Variants in FIBCD1 observed in about 807,000 individuals in gnomAD.
FIBCD1 encodes the protein fibrinogen C domain-containing protein 1.
FIBCD1 carries 47 observed loss-of-function variants against 45.1 expected under a neutral mutation model. The observed-to-expected ratio is 1.04, with a 90% CI of 0.82 to 1.33. The LOEUF (loss-of-function observed/expected upper bound fraction) is 1.33, where lower values mean the gene tolerates loss of function less well. Among genes scored for constraint, FIBCD1 ranks in the 40% most tolerant of loss-of-function variants. FIBCD1 has a pLI of 0.00. For synonymous variants in FIBCD1, 313 were observed against 308.1 expected (o/e 1.02, Z -0.17); for missense variants, 653 against 682.2 (o/e 0.96, Z 0.48).
At chr9:130,930,179 G>T in intron 1 of FIBCD1, 133 bp from the exon 2 acceptor site, 1 of 1,134,148 alleles carries the variant, frequency 8.8e-7, no homozygotes, top group Non-Finnish European at 1.2e-6. Context: ...CAGAGACTGA[G>T]ATGAGACAGG....
intron 2 of FIBCD1, 31 bp from the exon 3 acceptor site, chr9:130,924,427 C>T (rs1377326668): frequency 1.3e-6 from 2 of 1,577,052 alleles, no homozygotes; most frequent in Non-Finnish European, 8.6e-7. Flanking sequence ...GCCGAGGGGG[C>T]AGGGGCTCTG....
Position 130,938,554 on chromosome 9 carries a change from C to T in FIBCD1, c.54G>A (p.Arg18=), listed in dbSNP as rs1248047104. 3 of 1,490,692 alleles carry T rather than the reference C, an allele frequency of 2.0e-6. No individual in the cohort carries two copies. The highest frequency in any genetic ancestry group is 2.5e-5 in the South Asian group (2 of 79,410). The allele number at this position is 1,490,692 out of a possible 1,614,324, so 92.3% of individuals were successfully genotyped here. Residue 18 remains arginine, a synonymous_variant, in exon 1 of 7, where the codon CGG becomes CGA. Transcript: ENST00000372338. The part of the protein sequence containing the change: ...TMGGAAQLED[R]PRDKPQRPSC... ...AGCGTACCTGCGGCTTGTCGCGCGG[C>T]CGGTCCTCAAGTTGGGCAGCGCCGC...
rs140565547 is a variant in FIBCD1 at position 130,904,475 on chromosome 9, G to A, written c.1127-152C>T. The A allele has an allele frequency of 2.3e-4, 256 of 1,110,090 alleles. No homozygotes were observed. In the African/African-American group the frequency reaches 2.5e-3, roughly 11 times the overall value. 68.8% of individuals were successfully genotyped at this position (1,110,090 alleles called of 1,614,324 possible). On this transcript the variant is annotated intron_variant, in intron 6 of 6. Coordinates refer to ENST00000372338, the MANE Select transcript of FIBCD1 (RefSeq NM_032843.5). ...CTCTCACACATACTGCTGTGCACGC[G>A]TGCAAGCGCACCTGCCCCTCCACAC...
intron 4 of FIBCD1, among the ~76,000 whole-genome samples, chr9:130,912,102 G>T (rs1466269346): frequency 1.3e-5 from 2 of 152,000 alleles, no homozygotes; most frequent in African/African-American, 2.4e-5. Flanking sequence ...CTCGAGGTGG[G>T]ATTAACCAAA....
rs138622834 is a variant in FIBCD1, at chr9:130,905,307, G to A, written c.1053C>T (p.Gly351=). ...CAGGGTCCACGGAGAACAAGCCCAC[G>A]CCGAAGCTCCCGTAGCGGGCATAGG... is the stretch of plus-strand genomic sequence containing the variant. ...GTAYARYGSF[G]VGLFSVDPEE... The change falls in exon 6 of 7, where the codon GGC becomes GGT. Residue 351 remains glycine (G), a synonymous_variant. Transcript: ENST00000372338. The A allele has an allele frequency of 1.1e-5, 18 of 1,613,870 alleles. No individual in the cohort carries two copies. Among genetic ancestry groups the A allele is most frequent in the African/African-American group, 6.7e-5 (5 of 74,918 alleles).
rs1437395733 is a variant in FIBCD1 at position 130,903,902 on chromosome 9, T to C, written c.*162A>G. On this transcript the variant is annotated 3_prime_UTR_variant, in exon 7 of 7. Transcript: ENST00000372338. ...GGACGGCGAGAAGGCGATGTGTGAC[T>C]TCACCGGCCCAGGGAGCTTCGTGTC... 3 of 909,654 alleles carry C rather than the reference T, an allele frequency of 3.3e-6. No individual in the cohort carries two copies. The African/African-American group carries it at 4.9e-5, about 15-fold the overall frequency. 56.3% of individuals were successfully genotyped at this position (909,654 alleles called of 1,614,324 possible). A position where few individuals can be genotyped will look rare whatever the true frequency, so the allele number is the denominator to read the frequency against.
rs34679672 is a variant in FIBCD1 at position 130,909,760 on chromosome 9, T to TA, written c.946+2031dup. Among the ~76,000 whole-genome samples, 1,419 of 147,176 alleles carry TA rather than the reference T, an allele frequency of 9.6e-3. 14 individuals carry two copies. The highest frequency in any genetic ancestry group is 0.025 in the East Asian group (126 of 5,106). On this transcript the variant is annotated intron_variant, in intron 5 of 6. Transcript: ENST00000372338. ...ATATTTTGTTTAGATAGTGAAATGT[T>TA]AAAAAAAAAAAAGAAATGTTAAGGA...
intron 2 of FIBCD1, among the ~76,000 whole-genome samples, chr9:130,929,360 T>C (rs1832407110): frequency 6.6e-6 from 1 of 152,194 alleles, no homozygotes; most frequent in African/African-American, 2.4e-5. Context: ...ATTTGAATCC[T>C]GGCTCCCAGT....
chr9:130,905,930 C>T (rs574209986), intron 5 of FIBCD1, among the ~76,000 whole-genome samples: 18 of 152,316 alleles, frequency 1.2e-4, no homozygotes, highest in African/African-American at 4.3e-4. Context: ...ACATGTGCCC[C>T]TGTGGGTATT....
intron 4 of FIBCD1, among the ~76,000 whole-genome samples, chr9:130,913,263 TTTATTCTCCCTGCTTTATTCTCC>T (rs1175363748): frequency 1.9e-5 from 2 of 104,880 alleles, no homozygotes; most frequent in African/African-American, 1.5e-4. Flanking sequence ...TTTATTCTCC[TTTATTCTCCCTGCTTTATTCTCC>T]GAGGCAGCGC....
In FIBCD1 at chr9:130,903,860, C is replaced by T; in HGVS notation, c.*204G>A. ...GCAGAGGCAAGAGATCAGTGAGCTG[C>T]CAAATGGAGGGGGTGGGGACGGCGA... On this transcript the variant is annotated 3_prime_UTR_variant, in exon 7 of 7. Coordinates refer to ENST00000372338, the MANE Select transcript of FIBCD1 (RefSeq NM_032843.5). The T allele has an allele frequency of 1.5e-6, 1 of 686,588 alleles. No individual in the cohort carries two copies. Among genetic ancestry groups the T allele is most frequent in the Non-Finnish European group, 2.6e-6 (1 of 384,232 alleles). 42.5% of individuals were successfully genotyped at this position (686,588 alleles called of 1,614,324 possible).
rs975669559 is a variant in FIBCD1 at position 130,930,353 on chromosome 9, T to TGCAGGGAGACACAGGGAGAC, written c.73-327_73-308dup. On this transcript the variant is annotated intron_variant, in intron 1 of 6. Coordinates refer to ENST00000372338, the MANE Select transcript of FIBCD1 (RefSeq NM_032843.5). ...GGAGACGCGGGGAGACGCAGGGAGATGCAGGGAGACACAGGGAGACGCAGG... is the reference window on the plus strand; with the variant it reads ...GGAGACGCGGGGAGACGCAGGGAGATGCAGGGAGACACAGGGAGACGCAGGGAGACACAGGGAGACGCAGG... 4.5e-5 allele frequency among the ~76,000 whole-genome samples: 6 copies of TGCAGGGAGACACAGGGAGAC among 133,378 alleles called. No homozygotes were observed. In the South Asian group the frequency reaches 1.4e-3, roughly 31 times the overall value. 87.5% of individuals were successfully genotyped at this position (133,378 alleles called of 152,430 possible).
chr9:130,904,171 C>T lies in FIBCD1; in HGVS notation c.1279G>A (p.Ala427Thr), dbSNP rs778391303. 7.4e-6 allele frequency: 12 copies of T among 1,613,706 alleles called. No individual in the cohort carries two copies. The East Asian group carries it at 2.7e-4, about 36-fold the overall frequency. Residue 427 changes from alanine to threonine, a missense_variant, in exon 7 of 7, where the codon GCG (alanine) becomes ACG (threonine). Transcript: ENST00000372338. ...ACGCCGTCGGCATAGGAGGCGTGCGCACCGCGCAGGTACTGCCCATTGAGG... is the reference window on the plus strand; with the variant it reads ...ACGCCGTCGGCATAGGAGGCGTGCGTACCGCGCAGGTACTGCCCATTGAGG... ...SNLNGQYLRG[A>T]HASYADGVEW... is the part of the protein sequence containing the mutation.
chr9:130,937,205 C>T (rs1832531576), intron 1 of FIBCD1, among the ~76,000 whole-genome samples: 1 of 152,076 alleles, frequency 6.6e-6, no homozygotes, highest in Non-Finnish European at 1.5e-5. Context: ...CAGATCTCAG[C>T]AGGAGGGGAC....
chr9:130,908,954 A>AC (rs1238136932), intron 5 of FIBCD1, among the ~76,000 whole-genome samples: 1 of 151,352 alleles, frequency 6.6e-6, no homozygotes, highest in Non-Finnish European at 1.5e-5. Context: ...GGGGCCCCCG[A>AC]CCCCCCATCT....
chr9:130,934,865 C>A (rs572190363), intron 1 of FIBCD1, among the ~76,000 whole-genome samples: 1 of 152,174 alleles, frequency 6.6e-6, no homozygotes, highest in Non-Finnish European at 1.5e-5. Context: ...CACTCCCCAG[C>A]TAAACAGTGA....
intron 4 of FIBCD1, among the ~76,000 whole-genome samples, chr9:130,921,546 C>A (rs1290817481): frequency 3.3e-5 from 5 of 152,238 alleles, no homozygotes; most frequent in Admixed American, 6.5e-5. Context: ...CATCGACTCC[C>A]CTCTAATCGC....
chr9:130,911,217 G>A (rs939094013), intron 5 of FIBCD1, among the ~76,000 whole-genome samples: 2 of 152,164 alleles, frequency 1.3e-5, no homozygotes, highest in Non-Finnish European at 2.9e-5. Context: ...CCCACCAGAA[G>A]GAAGAAACTC....
rs573589654 is a variant in FIBCD1 at position 130,904,215 on chromosome 9, C to T, written c.1235G>A (p.Arg412His). 12 of 1,613,776 alleles carry T rather than the reference C, an allele frequency of 7.4e-6. No homozygotes were observed. Among genetic ancestry groups the T allele is most frequent in the East Asian group, 4.5e-5 (2 of 44,878 alleles). ...AAFYRGAWWYRNCHTSNLNGQ... is the reference protein window; with the variant it reads ...AAFYRGAWWYHNCHTSNLNGQ... ...ATTGAGGTTGGACGTGTGGCAGTTG[C>T]GGTACCACCAGGCACCGCGGTAGAA... is the stretch of plus-strand genomic sequence containing the variant. The change falls in exon 7 of 7, where the codon CGC becomes CAC. Residue 412 changes from arginine to histidine, a missense_variant. Arg to His is a conservative substitution (Grantham distance 29). Transcript: ENST00000372338.
Sources: gnomAD v4.1 joint callset for allele counts (sites outside exome capture counted in the v4.1 genomes callset) on GRCh38, gnomAD v4.1.1 for gene constraint, MANE v1.5 for transcripts, NCBI Gene and HGNC (gene_info 2026-07-23, HGNC 2026-07-21) for gene names.